Variants in FMR1NB observed in about 807,000 individuals in gnomAD.
FMR1NB encodes FMR1 neighbor protein.
Under a neutral mutation model 16.8 loss-of-function variants are expected in FMR1NB, and 10 were observed. The ratio of observed to expected loss-of-function variants is 0.60; its 90% CI spans 0.37 to 1.01. The LOEUF is 1.01. FMR1NB is among the 50% of genes least tolerant of loss of function. The probability of loss-of-function intolerance (pLI) is 0.01; values close to 1 mark genes in which losing one functional copy is unlikely to be tolerated. For missense variants in FMR1NB, 205 were observed against 204.8 expected (o/e 1.00, Z 0.00); for synonymous variants, 83 against 79.1 (o/e 1.05, Z -0.26).
chrX:147,984,165 G>A (rs782209058), intron 1 of FMR1NB, among the ~76,000 whole-genome samples: 3 of 111,645 alleles, frequency 2.7e-5, no homozygotes, highest in Non-Finnish European at 3.8e-5. Flanking sequence ...CATCATTTTC[G>A]TTCTTCTTTA....
intron 4 of FMR1NB, among the ~76,000 whole-genome samples, chrX:148,022,294 A>G (rs1329467752): frequency 9.0e-6 from 1 of 110,860 alleles, no homozygotes; most frequent in East Asian, 2.8e-4. Context: ...CTTACTCCAA[A>G]CCTCCTGCAC....
chrX:147,986,080 C>T (rs1347499994), intron 1 of FMR1NB, among the ~76,000 whole-genome samples: 17 of 112,149 alleles, frequency 1.5e-4, no homozygotes, highest in African/African-American at 5.2e-4. Context: ...TGATGATGAG[C>T]TTCTTTTCAT....
In FMR1NB at chrX:148,024,909, C is replaced by T. The variant is rs1017530250; in HGVS notation, c.677C>T (p.Thr226Met). The T allele has an allele frequency of 1.1e-5, 13 of 1,208,670 alleles. No homozygotes were observed. Among genetic ancestry groups the T allele is most frequent in the African/African-American group, 8.8e-5 (5 of 56,979 alleles). Residue 226 changes from threonine (T) to methionine (M), a missense_variant, in exon 5 of 6, where the codon ACG becomes ATG. Thr to Met is a moderately conservative substitution (Grantham distance 81). Coordinates refer to ENST00000370467, the MANE Select transcript of FMR1NB (RefSeq NM_152578.3). ...DLQRQDNRVV[T>M]GLKKQRRKRK... ...CAAAGGCAGGACAACAGAGTTGTAA[C>T]GGGTTTGAAGAAACAAAGAAGGAAG...
chrX:147,983,748 T>C (rs1409948667), intron 1 of FMR1NB, among the ~76,000 whole-genome samples: 2 of 112,125 alleles, frequency 1.8e-5, no homozygotes, highest in East Asian at 2.8e-4. Flanking sequence ...AAGTTCAATT[T>C]ATCTATTTTG....
intron 1 of FMR1NB, among the ~76,000 whole-genome samples, chrX:147,993,012 G>C (rs1457106648): frequency 9.5e-6 from 1 of 105,033 alleles, no homozygotes; most frequent in Non-Finnish European, 2.0e-5. Flanking sequence ...TCCCAGACGG[G>C]GTGGCGGCCG....
intron 1 of FMR1NB, among the ~76,000 whole-genome samples, chrX:147,992,298 C>G (rs1198458089): frequency 2.3e-5 from 2 of 87,691 alleles, no homozygotes; most frequent in Non-Finnish European, 4.5e-5. Context: ...GCTGACCCCC[C>G]CCACCTCCCT....
intron 1 of FMR1NB, among the ~76,000 whole-genome samples, chrX:148,002,756 T>C: frequency 8.9e-6 from 1 of 112,362 alleles, no homozygotes; most frequent in Non-Finnish European, 1.9e-5. Flanking sequence ...ACCAGTTCTT[T>C]AAAATAGTGA....
intron 4 of FMR1NB, among the ~76,000 whole-genome samples, chrX:148,009,513 CTT>C (rs35034562): frequency 8.2e-5 from 8 of 97,182 alleles, no homozygotes; most frequent in African/African-American, 1.5e-4. Flanking sequence ...TGCTTCCAAG[CTT>C]TTTTTTTTTT....
At chrX:148,015,021 G>C (rs1271802109) in intron 4 of FMR1NB, among the ~76,000 whole-genome samples, 1 of 111,283 alleles carries the variant, frequency 9.0e-6, no homozygotes, top group Non-Finnish European at 1.9e-5. Context: ...TGGTCTATTC[G>C]GGTTTTGGAT....
intron 4 of FMR1NB, among the ~76,000 whole-genome samples, chrX:148,022,144 C>G (rs926445605): frequency 9.0e-6 from 1 of 111,678 alleles, no homozygotes; most frequent in Non-Finnish European, 1.9e-5. Context: ...AAACAACATG[C>G]CACCTTGTCA....
At chrX:148,004,663 G>GA (rs1171659956) in intron 2 of FMR1NB, among the ~76,000 whole-genome samples, 1 of 111,535 alleles carries the variant, frequency 9.0e-6, no homozygotes, top group South Asian at 3.7e-4. Context: ...ACTTAAGCAT[G>GA]AAAAAAAAGT....
chrX:147,988,914 T>C (rs951948210), intron 1 of FMR1NB, among the ~76,000 whole-genome samples: 1 of 111,509 alleles, frequency 9.0e-6, no homozygotes, highest in African/African-American at 3.3e-5. Flanking sequence ...CTGTAACCTT[T>C]TGTCAAGATT....
intron 1 of FMR1NB, among the ~76,000 whole-genome samples, chrX:147,992,170 T>G (rs879966920): frequency 1.8e-5 from 2 of 108,864 alleles, no homozygotes; most frequent in Admixed American, 9.7e-5. Flanking sequence ...AATGAGCTGT[T>G]GGGCACACCT....
At chrX:148,016,974 T>C (rs782673837) in intron 4 of FMR1NB, among the ~76,000 whole-genome samples, 11 of 111,538 alleles carry the variant, frequency 9.9e-5, no homozygotes, top group Non-Finnish European at 1.7e-4. Context: ...AGATGATTTA[T>C]TATTGGTCAT....
intron 1 of FMR1NB, among the ~76,000 whole-genome samples, chrX:147,986,004 T>C (rs1047586486): frequency 2.7e-5 from 3 of 112,539 alleles, no homozygotes; most frequent in African/African-American, 9.7e-5. Flanking sequence ...TTTTAATGAT[T>C]GCCATTCTAA....
intron 2 of FMR1NB, among the ~76,000 whole-genome samples, chrX:148,006,031 C>A (rs2044594404): frequency 9.0e-6 from 1 of 111,493 alleles, no homozygotes; most frequent in African/African-American, 3.3e-5. Context: ...GTATTTGTTT[C>A]TCTTATAAAG....
intron 4 of FMR1NB, among the ~76,000 whole-genome samples, chrX:148,015,586 C>A (rs5904836): frequency 0.042 from 4,702 of 111,946 alleles, 109 homozygotes; most frequent in Middle Eastern, 0.073. Flanking sequence ...ATTGGCTATT[C>A]AGGAACATAT....
chrX:148,025,333 A>G (rs1441105988), intron 5 of FMR1NB, among the ~76,000 whole-genome samples: 2 of 111,306 alleles, frequency 1.8e-5, no homozygotes, highest in African/African-American at 6.5e-5. Context: ...TAAATAATGA[A>G]GGCCACAGTC....
At chrX:148,017,038 A>G (rs2044653222) in intron 4 of FMR1NB, among the ~76,000 whole-genome samples, 1 of 111,385 alleles carries the variant, frequency 9.0e-6, no homozygotes, top group Admixed American at 9.6e-5. Flanking sequence ...TGTGTAGGAC[A>G]GATCTGGTAT....
Sources: allele counts gnomAD v4.1 joint callset (sites outside exome capture counted in the v4.1 genomes callset), GRCh38; gene constraint gnomAD v4.1.1; transcripts MANE v1.5; gene names NCBI Gene and HGNC (gene_info 2026-07-23, HGNC 2026-07-21).